Variants in KMT2E observed in about 807,000 individuals in gnomAD.
The protein encoded by KMT2E is lysine methyltransferase 2E (inactive).
In KMT2E, 30 loss-of-function variants were observed where a neutral mutation model predicts 184.6. The observed-to-expected ratio is 0.16, with a 90% CI of 0.12 to 0.22. KMT2E has a LOEUF of 0.22. KMT2E is among the 10% of genes least tolerant of loss of function. KMT2E has a pLI of 1.00. For missense variants in KMT2E, 2,023 were observed against 2,237.4 expected (o/e 0.90, Z 1.93); for synonymous variants, 815 against 776.5 (o/e 1.05, Z -0.82).
intron 3 of KMT2E, among the ~76,000 whole-genome samples, chr7:105,050,237 A>G (rs1050965631): frequency 1.3e-5 from 2 of 152,036 alleles, no homozygotes; most frequent in East Asian, 1.9e-4. Context: ...ATTTATATAC[A>G]TTTTTTCAGA....
chr7:105,027,499 A>G (rs1795220925), intron 1 of KMT2E, among the ~76,000 whole-genome samples: 1 of 152,090 alleles, frequency 6.6e-6, no homozygotes, highest in Non-Finnish European at 1.5e-5. Context: ...CTTTTTTTGA[A>G]GTTCAAGGCA....
chr7:105,077,105 C>T lies in KMT2E; in HGVS notation c.911C>T (p.Ala304Val), dbSNP rs754778765. ...EGVQREAQRI[A>V]LRLGNGNDKK... ...GTTCAGAGGGAGGCACAAAGAATAG[C>T]TCTGAGATTAGGCAATGGAAATGAC... The change falls in exon 10 of 27, where the codon GCT becomes GTT. Residue 304 changes from alanine to valine, a missense_variant. Coordinates refer to ENST00000311117, the MANE Select transcript of KMT2E (RefSeq NM_182931.3). 7 of 1,613,928 alleles carry T rather than the reference C, an allele frequency of 4.3e-6. No homozygotes were observed. The highest frequency in any genetic ancestry group is 2.2e-5 in the South Asian group (2 of 91,076).
chr7:105,089,199 CT>C, intron 13 of KMT2E: 2 of 398,908 alleles, frequency 5.0e-6, no homozygotes, highest in Admixed American at 3.0e-5. Context: ...AAATCCTAAA[CT>C]TTTTTTGTTT....
At chr7:105,066,600 A>G (rs1797035842) in intron 5 of KMT2E, 127 bp from the exon 6 acceptor site, 1 of 628,076 alleles carries the variant, frequency 1.6e-6, no homozygotes, top group South Asian at 2.4e-5. Context: ...TGAATTTCTC[A>G]GAGTACCTTT....
chr7:105,107,434 C>T lies in KMT2E; in HGVS notation c.2977C>T (p.Gln993Ter). The T allele has an allele frequency of 6.2e-7, 1 of 1,613,122 alleles. No individual in the cohort carries two copies. ...TTCTAATTTAACTGAACTGGGTCTG[C>T]AAGAAATAAAGACTATTGGTTATAC... ...RNSNLTELGL[Q>*]EIKTIGYTSP... The change falls in exon 22 of 27, where the codon CAA (glutamine) becomes TAA (stop). Residue 993 changes from glutamine to a stop codon, truncating the protein, a stop_gained. Transcript: ENST00000311117. LOFTEE classifies it high-confidence loss of function.
intron 12 of KMT2E, among the ~76,000 whole-genome samples, chr7:105,081,119 C>T (rs1276959761): frequency 2.1e-5 from 3 of 144,098 alleles, no homozygotes; most frequent in Non-Finnish European, 3.0e-5. Flanking sequence ...CGGTGGCTCA[C>T]GCCTGTAATC....
intron 6 of KMT2E, among the ~76,000 whole-genome samples, chr7:105,068,205 A>G (rs142925507): frequency 1.5e-3 from 229 of 150,948 alleles, no homozygotes; most frequent in African/African-American, 5.2e-3. Flanking sequence ...TCCCTGTTCT[A>G]TTTCTGTAAG....
intron 15 of KMT2E, among the ~76,000 whole-genome samples, chr7:105,092,545 A>T (rs1455497286): frequency 6.6e-6 from 1 of 152,242 alleles, no homozygotes; most frequent in African/African-American, 2.4e-5. Flanking sequence ...GGATTTTAGG[A>T]ACACTGGTCT....
chr7:105,044,899 C>A (rs564963247), intron 3 of KMT2E, among the ~76,000 whole-genome samples: 107 of 152,330 alleles, frequency 7.0e-4, no homozygotes, highest in African/African-American at 2.5e-3. Context: ...CCTTACCACA[C>A]TATTTGTTCT....
intron 13 of KMT2E, chr7:105,089,254 A>G (rs926332553): frequency 2.4e-6 from 1 of 417,058 alleles, no homozygotes; most frequent in South Asian, 1.7e-5. Context: ...GCTGGAATGC[A>G]GTGGCACAAT....
At chr7:105,043,052 T>C (rs1795948726) in intron 3 of KMT2E, among the ~76,000 whole-genome samples, 1 of 152,184 alleles carries the variant, frequency 6.6e-6, no homozygotes, top group Non-Finnish European at 1.5e-5. Flanking sequence ...TGAGAGTTTA[T>C]ACAGAGAAGA....
At chr7:105,093,496 A>G (rs772156833) in intron 15 of KMT2E, among the ~76,000 whole-genome samples, 5 of 152,150 alleles carry the variant, frequency 3.3e-5, no homozygotes, top group Non-Finnish European at 7.4e-5. Flanking sequence ...AGCCTGACCA[A>G]TATGATGAAA....
chr7:105,016,176 T>A (rs1447467604), intron 1 of KMT2E, among the ~76,000 whole-genome samples: 2 of 152,244 alleles, frequency 1.3e-5, no homozygotes, highest in Non-Finnish European at 2.9e-5. Context: ...GTATTGTGTT[T>A]TAGCTTAAAT....
At position 105,107,427 on chromosome 7, in the gene KMT2E, G is replaced by C; in HGVS notation, c.2970G>C (p.Leu990=). ...GPFRNSNLTE[L]GLQEIKTIGY... ...TTAGAAATTCTAATTTAACTGAACT[G>C]GGTCTGCAAGAAATAAAGACTATTG... Residue 990 remains leucine, a synonymous_variant, in exon 22 of 27, where the codon CTG becomes CTC. Transcript: ENST00000311117. 2 of 1,612,998 alleles carry C rather than the reference G, an allele frequency of 1.2e-6. No individual in the cohort carries two copies. The highest frequency in any genetic ancestry group is 8.5e-7 in the Non-Finnish European group (1 of 1,179,606).
At chr7:105,033,594 G>A (rs1795512800) in intron 1 of KMT2E, among the ~76,000 whole-genome samples, 1 of 152,158 alleles carries the variant, frequency 6.6e-6, no homozygotes, top group Admixed American at 6.5e-5. Flanking sequence ...CACCTCCTGG[G>A]TTCATGCCAT....
At chr7:105,043,000 A>G (rs1795947121) in intron 3 of KMT2E, among the ~76,000 whole-genome samples, 1 of 152,180 alleles carries the variant, frequency 6.6e-6, no homozygotes. Flanking sequence ...CCTAAGATCT[A>G]AGATGCTGGT....
intron 13 of KMT2E, among the ~76,000 whole-genome samples, chr7:105,083,253 G>A (rs1374549429): frequency 2.0e-5 from 3 of 152,108 alleles, no homozygotes; most frequent in Non-Finnish European, 4.4e-5. Context: ...CTCTTTCAGG[G>A]TTCTGTTCCA....
intron 1 of KMT2E, among the ~76,000 whole-genome samples, chr7:105,032,906 A>G (rs370051229): frequency 1.3e-5 from 2 of 152,390 alleles, no homozygotes; most frequent in African/African-American, 4.8e-5. Flanking sequence ...GACAAGTAGA[A>G]TATACCAGTG....
At chr7:105,077,239 T>G in intron 10 of KMT2E, 46 bp downstream of exon 10, 1 of 1,602,492 alleles carries the variant, frequency 6.2e-7, no homozygotes, top group Non-Finnish European at 8.5e-7. Flanking sequence ...TTTTATATTG[T>G]GAATTTTTAG....
Sources: allele counts gnomAD v4.1 joint callset (sites outside exome capture counted in the v4.1 genomes callset), GRCh38; gene constraint gnomAD v4.1.1; transcripts MANE v1.5; gene names NCBI Gene and HGNC (gene_info 2026-07-23, HGNC 2026-07-21).